Variants in SOD2 observed in about 807,000 individuals in gnomAD.
SOD2 encodes the protein superoxide dismutase 2, also known as superoxide dismutase [Mn], mitochondrial.
In SOD2, 11 loss-of-function variants were observed where a neutral mutation model predicts 27.0. That is an observed-to-expected ratio of 0.41 (90% CI 0.26 to 0.67). The LOEUF is 0.67. SOD2 is among the 30% of genes least tolerant of loss of function. The pLI, the probability that SOD2 is intolerant of heterozygous loss-of-function variation, is 0.34. For synonymous variants in SOD2, 105 were observed against 103.0 expected (o/e 1.02, Z -0.12); for missense variants, 250 against 274.5 (o/e 0.91, Z 0.63).
At chr6:159,757,159 G>T (rs1780027512) in intron 1 of SOD2, among the ~76,000 whole-genome samples, 1 of 152,112 alleles carries the variant, frequency 6.6e-6, no homozygotes, top group Non-Finnish European at 1.5e-5. Context: ...ATATTGAATG[G>T]CCTTCAAATG....
At chr6:159,709,223 A>G (rs1362516209) in intron 1 of SOD2, among the ~76,000 whole-genome samples, 1 of 152,252 alleles carries the variant, frequency 6.6e-6, no homozygotes, top group Admixed American at 6.5e-5. Context: ...CTTCATGACT[A>G]AAACACCAAA....
chr6:159,678,876 T>C lies in SOD2; in HGVS notation c.*3617A>G, dbSNP rs1779837556. Reference sequence around the variant, plus strand: ...TCCACTGGACAACCTGGTGTAAAAGTATTGAGTGGTATGTGACAACAGCAA... The same window carrying C: ...TCCACTGGACAACCTGGTGTAAAAGCATTGAGTGGTATGTGACAACAGCAA... On this transcript the variant is annotated 3_prime_UTR_variant, in exon 5 of 5. Coordinates refer to ENST00000538183, the MANE Select transcript of SOD2 (RefSeq NM_000636.4). 6.6e-6 allele frequency: 1 copy of C among 152,170 alleles called. No homozygotes were observed. The highest frequency in any genetic ancestry group is 2.4e-5 in the African/African-American group (1 of 41,430). The allele number at this position is 152,170 out of a possible 1,614,324, so 9.4% of individuals were successfully genotyped here.
At chr6:159,690,270 G>A (rs915423746) in intron 2 of SOD2, among the ~76,000 whole-genome samples, 12 of 125,232 alleles carry the variant, frequency 9.6e-5, no homozygotes, top group African/African-American at 3.4e-4. Context: ...CTGCGGGACA[G>A]ACTGAGATTC....
rs114847034 is a variant in SOD2, at chr6:159,713,649, C to G, written c.-116+13480G>C. 3,611 of 1,011,386 alleles carry G rather than the reference C, an allele frequency of 3.6e-3. 87 individuals carry two copies. The African/African-American group carries it at 0.048, about 13-fold the overall frequency. The allele number at this position is 1,011,386 out of a possible 1,614,324, so 62.7% of individuals were successfully genotyped here. On this transcript the variant is annotated intron_variant, in intron 1 of 2. Coordinates refer to the SOD2 transcript ENST00000401980. ...CCTTGGACAGCCAAATGGAAGTCCT[C>G]TAAGCCAGACGAAGCCATCGTTGGC... is the stretch of plus-strand genomic sequence containing the variant.
At chr6:159,758,280 G>T (rs1445090012) in intron 1 of SOD2, among the ~76,000 whole-genome samples, 1 of 151,984 alleles carries the variant, frequency 6.6e-6, no homozygotes, top group East Asian at 1.9e-4. Context: ...CCACAGACTG[G>T]GTGGCTTTAC....
chr6:159,707,101 T>C (rs1777641809), intron 1 of SOD2, among the ~76,000 whole-genome samples: 1 of 151,932 alleles, frequency 6.6e-6, no homozygotes, highest in Admixed American at 6.6e-5. Flanking sequence ...CCAGAATCTC[T>C]GGGACACATT....
chr6:159,744,880 A>G (rs562600382), intron 1 of SOD2, among the ~76,000 whole-genome samples: 68 of 152,200 alleles, frequency 4.5e-4, no homozygotes, highest in African/African-American at 1.5e-3. Context: ...GGTCTTCCCT[A>G]TGTTGCCCAG....
intron 1 of SOD2, among the ~76,000 whole-genome samples, chr6:159,704,807 G>A (rs1008276646): frequency 6.6e-6 from 1 of 152,206 alleles, no homozygotes; most frequent in Admixed American, 6.5e-5. Flanking sequence ...TTTGAGATCT[G>A]ACAACAGACA....
At position 159,737,107 on chromosome 6, in the gene SOD2, G is replaced by A. The variant is rs574818373; in HGVS notation, c.-116+8023C>T. Among the ~76,000 whole-genome samples, 5 of 152,300 alleles carry A rather than the reference G, an allele frequency of 3.3e-5. No homozygotes were observed. In the East Asian group the frequency reaches 7.7e-4, roughly 23 times the overall value. On this transcript the variant is annotated intron_variant, in intron 1 of 3. Transcript: ENST00000537657. The stretch of plus-strand genomic sequence containing the variant: ...CTCTTGCCCAGGTTGGAGTGCAGTG[G>A]TGCAATCTTGGCTTACTGCAGTCTC...
intron 2 of SOD2, chr6:159,691,263 C>T (rs2114787905): frequency 6.6e-6 from 1 of 152,320 alleles, no homozygotes; most frequent in East Asian, 1.9e-4. Context: ...CAGTCTCTCC[C>T]CATTACATGT....
intron 1 of SOD2, among the ~76,000 whole-genome samples, chr6:159,709,433 A>G (rs893455374): frequency 6.6e-6 from 1 of 152,182 alleles, no homozygotes; most frequent in Non-Finnish European, 1.5e-5. Context: ...AAAAACAAAC[A>G]ACCCCATCAA....
chr6:159,722,120 G>A (rs969981472), intron 1 of SOD2, among the ~76,000 whole-genome samples: 1 of 151,972 alleles, frequency 6.6e-6, no homozygotes, highest in Non-Finnish European at 1.5e-5. Flanking sequence ...GCCCATGCCT[G>A]TACTCCCAGC....
upstream of SOD2, chr6:159,727,650 G>A: frequency 1.0e-6 from 1 of 985,888 alleles, no homozygotes; most frequent in Non-Finnish European, 1.2e-6. Context: ...AGGGCAAGCA[G>A]CGCGGCCTCG....
chr6:159,757,984 T>C (rs896524027), intron 1 of SOD2, among the ~76,000 whole-genome samples: 7 of 152,234 alleles, frequency 4.6e-5, no homozygotes, highest in Admixed American at 2.0e-4. Context: ...TGTGACATTT[T>C]CATGTTTCTG....
intron 1 of SOD2, 107 bp downstream of exon 1, chr6:159,693,038 C>T: frequency 6.8e-7 from 1 of 1,465,644 alleles, no homozygotes. Context: ...GCAGGTGCCC[C>T]GGTCCCGCCA....
At chr6:159,747,796 A>G (rs1297047790), upstream of SOD2, among the ~76,000 whole-genome samples, 2 of 152,078 alleles carry the variant, frequency 1.3e-5, no homozygotes, top group African/African-American at 2.4e-5. Flanking sequence ...TTTTTTGGTA[A>G]TGTTTGGATT....
intron 1 of SOD2, among the ~76,000 whole-genome samples, chr6:159,711,691 T>C (rs371984867): frequency 2.2e-3 from 120 of 55,574 alleles, no homozygotes; most frequent in African/African-American, 2.8e-3. Context: ...ACCACCTCCA[T>C]AACCACCACT....
At chr6:159,753,836 C>T (rs1779908789) in intron 1 of SOD2, among the ~76,000 whole-genome samples, 1 of 152,066 alleles carries the variant, frequency 6.6e-6, no homozygotes, top group African/African-American at 2.4e-5. Context: ...TTCAAAATTT[C>T]TTACATTTTT....
At chr6:159,752,791 C>T (rs1236978760) in intron 1 of SOD2, among the ~76,000 whole-genome samples, 5 of 152,112 alleles carry the variant, frequency 3.3e-5, no homozygotes, top group Non-Finnish European at 5.9e-5. Flanking sequence ...TCCCTGTTTC[C>T]GAAGCTGGAA....
Sources: allele counts gnomAD v4.1 joint callset (sites outside exome capture counted in the v4.1 genomes callset), GRCh38; gene constraint gnomAD v4.1.1; transcripts MANE v1.5; gene names NCBI Gene and HGNC (gene_info 2026-07-23, HGNC 2026-07-21).